Variants in TNFSF11 observed in about 807,000 individuals in gnomAD.
TNFSF11 encodes the protein TNF superfamily member 11.
TNFSF11 carries 12 observed loss-of-function variants against 32.2 expected under a neutral mutation model. That is an observed-to-expected ratio of 0.37 (90% CI 0.24 to 0.60). The LOEUF is 0.60. TNFSF11 is among the 20% of genes least tolerant of loss of function. TNFSF11 has a pLI of 0.66. For missense variants in TNFSF11, 345 were observed against 398.0 expected (o/e 0.87, Z 1.13); for synonymous variants, 172 against 152.1 (o/e 1.13, Z -0.96).
chr13:42,594,428 A>C (rs1471768106), intron 2 of TNFSF11, among the ~76,000 whole-genome samples: 1 of 152,150 alleles, frequency 6.6e-6, no homozygotes, highest in Non-Finnish European at 1.5e-5. Flanking sequence ...CTGTAGTAAA[A>C]CAATCTTAAA....
At chr13:42,577,423 C>A (rs1457301966) in intron 1 of TNFSF11, among the ~76,000 whole-genome samples, 1 of 152,060 alleles carries the variant, frequency 6.6e-6, no homozygotes, top group African/African-American at 2.4e-5. Context: ...TTTTCCCCCA[C>A]CACCCTGCCA....
intron 2 of TNFSF11, among the ~76,000 whole-genome samples, chr13:42,592,361 C>A (rs1191823186): frequency 2.0e-5 from 3 of 152,154 alleles, no homozygotes; most frequent in Non-Finnish European, 4.4e-5. Flanking sequence ...GAATGGCTCA[C>A]AGAACTCAGG....
chr13:42,607,076 C>G lies in TNFSF11; in HGVS notation c.*158C>G, dbSNP rs200754328. The G allele has an allele frequency of 1.2e-6, 1 of 858,268 alleles. No homozygotes were observed. Among genetic ancestry groups the G allele is most frequent in the Admixed American group, 2.6e-5 (1 of 38,270 alleles). 53.2% of individuals were successfully genotyped at this position (858,268 alleles called of 1,614,324 possible). A position where few individuals can be genotyped will look rare whatever the true frequency, so the allele number is the denominator to read the frequency against. The stretch of plus-strand genomic sequence containing the variant: ...TGCTCTTGACCTTGTAGAGAACACG[C>G]GTATTTACAGCCAGTGGGAGATGTT... On this transcript the variant is annotated 3_prime_UTR_variant, in exon 5 of 5. Transcript: ENST00000398795.
upstream of TNFSF11, among the ~76,000 whole-genome samples, chr13:42,572,879 T>G (rs564267934): frequency 9.9e-5 from 15 of 152,214 alleles, no homozygotes; most frequent in South Asian, 2.9e-3. Context: ...GGATGCAAAA[T>G]AAAAAGGCAC....
upstream of TNFSF11, among the ~76,000 whole-genome samples, chr13:42,569,190 A>T (rs1472661055): frequency 6.6e-6 from 1 of 152,122 alleles, no homozygotes; most frequent in East Asian, 1.9e-4. Flanking sequence ...AAGGATCTGG[A>T]GATGCAGAGA....
intron 2 of TNFSF11, among the ~76,000 whole-genome samples, chr13:42,591,664 C>G (rs981685101): frequency 2.6e-5 from 4 of 152,164 alleles, no homozygotes; most frequent in African/African-American, 7.2e-5. Flanking sequence ...TGTGTTCCCC[C>G]ACATCCTGTG....
At chr13:42,587,017 A>G (rs1873931862) in intron 2 of TNFSF11, among the ~76,000 whole-genome samples, 1 of 152,216 alleles carries the variant, frequency 6.6e-6, no homozygotes, top group Non-Finnish European at 1.5e-5. Flanking sequence ...GCTGGGTAAC[A>G]AACAGACCCA....
At chr13:42,585,403 C>G (rs1028687091) in intron 2 of TNFSF11, among the ~76,000 whole-genome samples, 1 of 152,056 alleles carries the variant, frequency 6.6e-6, no homozygotes, top group Non-Finnish European at 1.5e-5. Flanking sequence ...TGGTGTTTAC[C>G]CAACATGTCT....
intron 2 of TNFSF11, among the ~76,000 whole-genome samples, chr13:42,586,655 T>A (rs998086059): frequency 1.3e-5 from 2 of 152,216 alleles, no homozygotes; most frequent in African/African-American, 4.8e-5. Context: ...TAAAACTCTC[T>A]AACTTCCCTC....
intron 2 of TNFSF11, among the ~76,000 whole-genome samples, chr13:42,595,069 T>C (rs780331224): frequency 6.6e-6 from 1 of 152,228 alleles, no homozygotes; most frequent in Non-Finnish European, 1.5e-5. Flanking sequence ...AAAAAAATAT[T>C]GTGAAATATC....
intron 2 of TNFSF11, among the ~76,000 whole-genome samples, chr13:42,597,889 A>C (rs994155178): frequency 1.3e-5 from 2 of 151,974 alleles, no homozygotes; most frequent in Non-Finnish European, 2.9e-5. Context: ...TTGCTCTGTC[A>C]CCTAGGCTGG....
chr13:42,585,761 A>T (rs1284216554), intron 2 of TNFSF11, among the ~76,000 whole-genome samples: 16 of 152,236 alleles, frequency 1.1e-4, no homozygotes, highest in Admixed American at 9.8e-4. Context: ...GTGGAAAGCC[A>T]TCTGTTTATG....
chr13:42,586,450 G>T (rs1016397335), intron 2 of TNFSF11, among the ~76,000 whole-genome samples: 1 of 152,132 alleles, frequency 6.6e-6, no homozygotes. Flanking sequence ...GAATATTATG[G>T]CCTGAGGCAG....
At chr13:42,566,678 T>G (rs200485701) in exon 2 of TNFSF11, 21 of 152,326 alleles carry the variant, frequency 1.4e-4, no homozygotes, top group African/African-American at 3.9e-4. Context: ...CTAGATCAAA[T>G]GAAGGAACAT....
At chr13:42,578,136 A>G (rs1478710988) in intron 1 of TNFSF11, among the ~76,000 whole-genome samples, 1 of 152,240 alleles carries the variant, frequency 6.6e-6, no homozygotes, top group Non-Finnish European at 1.5e-5. Context: ...GATTTGCAAC[A>G]CTACAGATAT....
chr13:42,578,396 G>C (rs540062148), intron 1 of TNFSF11, among the ~76,000 whole-genome samples: 2 of 152,312 alleles, frequency 1.3e-5, no homozygotes, highest in East Asian at 3.9e-4. Context: ...CTTGCACCCT[G>C]AACCTCTCCT....
At chr13:42,569,932 CTGT>C (rs1873003369), upstream of TNFSF11, among the ~76,000 whole-genome samples, 1 of 151,708 alleles carries the variant, frequency 6.6e-6, no homozygotes, top group African/African-American at 2.4e-5. Flanking sequence ...TTTTGAAAAT[CTGT>C]TTTTTTAAAT....
chr13:42,582,267 G>A (rs1301632736), intron 2 of TNFSF11, among the ~76,000 whole-genome samples: 2 of 152,230 alleles, frequency 1.3e-5, no homozygotes, highest in Non-Finnish European at 2.9e-5. Flanking sequence ...GAGGTAGGAA[G>A]ATGTAGCTGT....
At chr13:42,567,498 C>T (rs2137842943) in intron 2 of TNFSF11, among the ~76,000 whole-genome samples, 1 of 152,238 alleles carries the variant, frequency 6.6e-6, no homozygotes, top group South Asian at 2.1e-4. Flanking sequence ...TGATAATTTG[C>T]CATTAGAAAT....
Sources: allele counts gnomAD v4.1 joint callset (sites outside exome capture counted in the v4.1 genomes callset), GRCh38; gene constraint gnomAD v4.1.1; transcripts MANE v1.5; gene names NCBI Gene and HGNC (gene_info 2026-07-23, HGNC 2026-07-21).